NOX4: variants seen among roughly 807,000 people sequenced by gnomAD.
NOX4 encodes kidney oxidase-1.
A neutral mutation model predicts 87.6 loss-of-function variants in NOX4; 69 were observed. That is an observed-to-expected ratio of 0.79 (90% CI 0.65 to 0.96). The LOEUF (loss-of-function observed/expected upper bound fraction) is 0.96, where lower values mean the gene tolerates loss of function less well. Ranked by LOEUF, NOX4 falls within the 40% of genes least tolerant of loss-of-function variation. The probability of loss-of-function intolerance (pLI) is 0.00; values close to 1 mark genes in which losing one functional copy is unlikely to be tolerated. For synonymous variants in NOX4, 275 were observed against 238.2 expected (o/e 1.15, Z -1.42); for missense variants, 680 against 681.5 (o/e 1.00, Z 0.02).
chr11:89,495,546 C>T (rs141557142), upstream of NOX4, among the ~76,000 whole-genome samples: 1 of 152,080 alleles, frequency 6.6e-6, no homozygotes, highest in Admixed American at 6.5e-5. Context: ...TGCAAAGTCC[C>T]TTTTTCCTTA....
At chr11:89,458,253 T>C (rs541933362) in intron 2 of NOX4, among the ~76,000 whole-genome samples, 4 of 152,034 alleles carry the variant, frequency 2.6e-5, no homozygotes, top group Non-Finnish European at 5.9e-5. Context: ...TAAAGCAATA[T>C]AAAAATCAAC....
At chr11:89,492,040 G>C (rs35227585), upstream of NOX4, 1 of 151,266 alleles carries the variant, frequency 6.6e-6, no homozygotes, top group African/African-American at 2.4e-5. Flanking sequence ...AGAACCCAGG[G>C]AATTAATGGT....
chr11:89,352,052 A>G (rs962198144), intron 13 of NOX4, among the ~76,000 whole-genome samples: 3 of 152,234 alleles, frequency 2.0e-5, no homozygotes, highest in African/African-American at 7.2e-5. Flanking sequence ...TGGGAGCTAG[A>G]TGATGTGTAC....
chr11:89,372,879 T>G (rs1250334300), intron 12 of NOX4, among the ~76,000 whole-genome samples: 5 of 151,986 alleles, frequency 3.3e-5, no homozygotes, highest in Non-Finnish European at 7.4e-5. Context: ...ATAATGTTTC[T>G]TTTATTTACT....
chr11:89,587,246 C>T, the NOX4 span, among the ~76,000 whole-genome samples: 5 of 151,898 alleles, frequency 3.3e-5, no homozygotes, highest in African/African-American at 1.2e-4. Flanking sequence ...GATAGAGGCA[C>T]CTCGATGGCT....
intron 7 of NOX4, among the ~76,000 whole-genome samples, chr11:89,426,387 G>C (rs1943410897): frequency 6.6e-6 from 1 of 151,946 alleles, no homozygotes; most frequent in African/African-American, 2.4e-5. Context: ...AGGACAGTGG[G>C]TACAGCCCAC....
intron 7 of NOX4, among the ~76,000 whole-genome samples, chr11:89,425,182 C>G (rs189815668): frequency 2.0e-5 from 3 of 151,836 alleles, no homozygotes; most frequent in Non-Finnish European, 4.4e-5. Context: ...TTAATGATTC[C>G]TCTATCTAAA....
chr11:89,335,324 ATAAAAT>A (rs2135372549), intron 17 of NOX4, among the ~76,000 whole-genome samples: 1 of 151,866 alleles, frequency 6.6e-6, no homozygotes, highest in Admixed American at 6.6e-5. Flanking sequence ...AAGATTCTTT[ATAAAAT>A]TATAGTTTCT....
chr11:89,331,598 A>T (rs1945473956), intron 17 of NOX4, among the ~76,000 whole-genome samples: 1 of 151,894 alleles, frequency 6.6e-6, no homozygotes, highest in Non-Finnish European at 1.5e-5. Context: ...TGTCAACGCC[A>T]TATGATGGCA....
intron 12 of NOX4, among the ~76,000 whole-genome samples, chr11:89,360,933 A>C (rs1401249398): frequency 1.3e-5 from 2 of 152,106 alleles, no homozygotes; most frequent in African/African-American, 2.4e-5. Flanking sequence ...GGCCACAATT[A>C]AAAAGTCTAA....
intron 2 of NOX4, among the ~76,000 whole-genome samples, chr11:89,454,608 T>C (rs1945108783): frequency 6.6e-6 from 1 of 152,104 alleles, no homozygotes; most frequent in East Asian, 1.9e-4. Flanking sequence ...ATTTCCAAAC[T>C]TACTGGCCAA....
the NOX4 span, among the ~76,000 whole-genome samples, chr11:89,504,625 T>C: frequency 2.0e-5 from 3 of 151,952 alleles, no homozygotes; most frequent in African/African-American, 7.2e-5. Flanking sequence ...TCAAAGATGA[T>C]TCCGTATTCA....
chr11:89,572,523 G>GT, the NOX4 span, among the ~76,000 whole-genome samples: 169 of 150,494 alleles, frequency 1.1e-3, no homozygotes, highest in East Asian at 7.8e-3. Context: ...AGAATTATAT[G>GT]TTTTTTTGTT....
At chr11:89,497,222 C>G (rs984136820), upstream of NOX4, among the ~76,000 whole-genome samples, 1 of 152,182 alleles carries the variant, frequency 6.6e-6, no homozygotes, top group Non-Finnish European at 1.5e-5. Flanking sequence ...TGTGCTTTAT[C>G]TTGCATGGCA....
At chr11:89,331,979 T>A (rs575437709) in intron 17 of NOX4, among the ~76,000 whole-genome samples, 30 of 151,868 alleles carry the variant, frequency 2.0e-4, no homozygotes, top group African/African-American at 7.2e-4. Flanking sequence ...TGCATTAGAA[T>A]GCTGCAATCC....
the NOX4 span, among the ~76,000 whole-genome samples, chr11:89,574,446 C>A: frequency 6.6e-6 from 1 of 152,170 alleles, no homozygotes; most frequent in East Asian, 1.9e-4. Context: ...TTTCTGGTTT[C>A]TTCCAGGTAT....
chr11:89,377,794 T>C (rs571029237), intron 11 of NOX4, among the ~76,000 whole-genome samples: 1 of 152,154 alleles, frequency 6.6e-6, no homozygotes, highest in Non-Finnish European at 1.5e-5. Flanking sequence ...TAATATGATG[T>C]TCTTTAATCA....
chr11:89,582,085 C>T, the NOX4 span, among the ~76,000 whole-genome samples: 1 of 152,118 alleles, frequency 6.6e-6, no homozygotes, highest in African/African-American at 2.4e-5. Context: ...ATTAGGTTGA[C>T]TATTTTAGAT....
chr11:89,456,747 T>C (rs992650481), intron 2 of NOX4, among the ~76,000 whole-genome samples: 2 of 152,044 alleles, frequency 1.3e-5, no homozygotes, highest in African/African-American at 2.4e-5. Context: ...GGCAGAGAGA[T>C]GGAAGAAACA....
Sources: allele counts gnomAD v4.1 joint callset (sites outside exome capture counted in the v4.1 genomes callset), GRCh38; gene constraint gnomAD v4.1.1; transcripts MANE v1.5; gene names NCBI Gene and HGNC (gene_info 2026-07-23, HGNC 2026-07-21).